Variants in DPY19L4 observed in about 807,000 individuals in gnomAD.
DPY19L4 encodes probable C-mannosyltransferase DPY19L4.
In DPY19L4, 97 loss-of-function variants were observed where a neutral mutation model predicts 102.8. The observed-to-expected ratio is 0.94, with a 90% confidence interval of 0.80 to 1.12. The LOEUF (loss-of-function observed/expected upper bound fraction) is 1.12, where lower values mean the gene tolerates loss of function less well. Among genes scored for constraint, DPY19L4 ranks in the 50% most tolerant of loss-of-function variants. The pLI is 0.00. For missense variants in DPY19L4, 815 were observed against 850.4 expected, an observed-to-expected ratio of 0.96 and a Z score of 0.52; for synonymous variants, 252 against 283.1, an observed-to-expected ratio of 0.89 and a Z score of 1.10.
At chr8:94,775,476 A>G (rs938501971) in intron 13 of DPY19L4, among the ~76,000 whole-genome samples, 1 of 152,120 alleles carries the variant, frequency 6.6e-6, no homozygotes, top group African/African-American at 2.4e-5. Flanking sequence ...CCAGCCTCTT[A>G]ATTTTTAAAA....
At chr8:94,764,689 G>GTGTGTGTGTGTGTGTATATATATATA (rs1415377058) in intron 8 of DPY19L4, among the ~76,000 whole-genome samples, 3 of 43,206 alleles carry the variant, frequency 6.9e-5, no homozygotes, top group African/African-American at 3.4e-4. Flanking sequence ...GTCTGTGTGT[G>GTGTGTGTGTGTGTGTATATATATATA]TATATATATA....
intron 6 of DPY19L4, chr8:94,744,625 G>C (rs910356799): frequency 2.2e-6 from 1 of 452,576 alleles, no homozygotes; most frequent in African/African-American, 2.0e-5. Flanking sequence ...CCCTATATCT[G>C]TCTTCATATT....
At chr8:94,789,263 T>A (rs908569236) in intron 18 of DPY19L4, among the ~76,000 whole-genome samples, 2 of 152,338 alleles carry the variant, frequency 1.3e-5, no homozygotes, top group South Asian at 2.1e-4. Context: ...TTACTTAATT[T>A]TTTTTATAAA....
rs963389971 is a variant in DPY19L4, at chr8:94,756,254, TA to T, written c.735+98del. 12 of 1,489,002 alleles carry T rather than the reference TA, an allele frequency of 8.1e-6. No individual in the cohort carries two copies. In the African/African-American group the frequency reaches 1.7e-4, roughly 21 times the overall value. 92.2% of individuals were successfully genotyped at this position (1,489,002 alleles called of 1,614,324 possible). On this transcript the variant is annotated intron_variant, in intron 7 of 18. Transcript: ENST00000414645. Reference sequence around the variant, plus strand: ...AATAAATTTTAGTCCTAGTAAGAATTAAATCATATTTAATGAAGCCTGGTTA... The same window carrying T: ...AATAAATTTTAGTCCTAGTAAGAATTAATCATATTTAATGAAGCCTGGTTA...
chr8:94,777,796 T>G lies in DPY19L4; in HGVS notation c.1575+10T>G. ...ACACCCAATATTGTTGGTGAGTCAT[T>G]ATTTTGCATTGTTTCTCTTCTAATT... On this transcript the variant is annotated intron_variant, in intron 14 of 18. Transcript: ENST00000414645. 6.3e-7 allele frequency: 1 copy of G among 1,599,850 alleles called. No individual in the cohort carries two copies. Among genetic ancestry groups the G allele is most frequent in the South Asian group, 1.1e-5 (1 of 88,556 alleles).
At position 94,783,821 on chromosome 8, in the gene DPY19L4, T is replaced by C; in HGVS notation, c.1848+19T>C. 1 of 1,613,150 alleles carries C rather than the reference T, an allele frequency of 6.2e-7. No individual in the cohort carries two copies. The highest frequency in any genetic ancestry group is 1.7e-5 in the Admixed American group (1 of 59,978). On this transcript the variant is annotated intron_variant, in intron 17 of 18. Coordinates refer to ENST00000414645, the MANE Select transcript of DPY19L4 (RefSeq NM_181787.3). ...TGAAAATGTAAGACATTTTAAATTC[T>C]ACATTTGGATCTCTTTTCCAGCACT...
chr8:94,770,847 G>A (rs10113782), intron 13 of DPY19L4, among the ~76,000 whole-genome samples: 15 of 151,374 alleles, frequency 9.9e-5, no homozygotes, highest in Admixed American at 6.6e-5. Context: ...CCGAGATTGC[G>A]CCACTGCACT....
Position 94,789,953 on chromosome 8 carries a change from T to C in DPY19L4, c.*43T>C. 6.4e-7 allele frequency: 1 copy of C among 1,565,088 alleles called. No homozygotes were observed. Among genetic ancestry groups the C allele is most frequent in the African/African-American group, 1.4e-5 (1 of 71,720 alleles). On this transcript the variant is annotated 3_prime_UTR_variant, in exon 19 of 19. Coordinates refer to ENST00000414645, the MANE Select transcript of DPY19L4 (RefSeq NM_181787.3). ...ATTTCAAAGACTACCTGAAGTAAAA[T>C]GCAGTTTTCTTCTACCTACTCGGTG... is the stretch of plus-strand genomic sequence containing the variant.
At chr8:94,784,240 T>G (rs1482471249) in intron 17 of DPY19L4, among the ~76,000 whole-genome samples, 1 of 144,730 alleles carries the variant, frequency 6.9e-6, no homozygotes, top group Non-Finnish European at 1.5e-5. Context: ...GGCTAACATT[T>G]TTTTAATTCA....
chr8:94,777,681 G>T lies in DPY19L4; in HGVS notation c.1470G>T (p.Trp490Cys). The change falls in exon 14 of 19, where the codon TGG (tryptophan) becomes TGT (cysteine). Residue 490 changes from tryptophan (W) to cysteine (C), a missense_variant. Physicochemically the swap from Trp to Cys is radical, Grantham distance 215. Transcript: ENST00000414645. ...AMVIEGLKYI[W>C]IPYVCMLAAF... ...TGTTTTCTAGCTTGAAGTACATCTGGATTCCTTATGTGTGCATGTTAGCAG... is the reference window on the plus strand; with the variant it reads ...TGTTTTCTAGCTTGAAGTACATCTGTATTCCTTATGTGTGCATGTTAGCAG... The T allele has an allele frequency of 5.6e-6, 9 of 1,613,072 alleles. No individual in the cohort carries two copies. The highest frequency in any genetic ancestry group is 7.6e-6 in the Non-Finnish European group (9 of 1,179,680).
At chr8:94,742,005 G>A (rs867968156) in intron 6 of DPY19L4, among the ~76,000 whole-genome samples, 2 of 152,140 alleles carry the variant, frequency 1.3e-5, no homozygotes, top group Non-Finnish European at 2.9e-5. Flanking sequence ...AATTCTATTA[G>A]GATTTATTTT....
intron 6 of DPY19L4, among the ~76,000 whole-genome samples, chr8:94,742,337 G>A (rs1292716199): frequency 2.0e-5 from 3 of 151,826 alleles, no homozygotes; most frequent in Non-Finnish European, 2.9e-5. Context: ...CAGCCTGGGC[G>A]ACAGAGCGAG....
chr8:94,756,661 T>A (rs1195386399), intron 7 of DPY19L4, among the ~76,000 whole-genome samples: 1 of 152,160 alleles, frequency 6.6e-6, no homozygotes, highest in Non-Finnish European at 1.5e-5. Context: ...GATTCTTACA[T>A]TGTTATTGTT....
chr8:94,729,804 C>G (rs1173985907), intron 2 of DPY19L4, among the ~76,000 whole-genome samples: 1 of 151,814 alleles, frequency 6.6e-6, no homozygotes, highest in African/African-American at 2.4e-5. Flanking sequence ...GCACTCCAGC[C>G]TGGACGATGC....
chr8:94,768,334 T>A (rs183024055), intron 11 of DPY19L4, 61 bp from the exon 12 acceptor site: 2 of 1,356,552 alleles, frequency 1.5e-6, no homozygotes, highest in Admixed American at 4.8e-5. Flanking sequence ...TTAAAAAAAA[T>A]ACTTCTGTGT....
chr8:94,734,521 C>A, intron 2 of DPY19L4, 109 bp from the exon 3 acceptor site: 2 of 1,111,332 alleles, frequency 1.8e-6, no homozygotes, highest in Non-Finnish European at 2.5e-6. Flanking sequence ...CAATTAGACT[C>A]GAGTTGTGGG....
At chr8:94,746,461 G>A (rs1660501691) in intron 6 of DPY19L4, among the ~76,000 whole-genome samples, 1 of 152,210 alleles carries the variant, frequency 6.6e-6, no homozygotes, top group African/African-American at 2.4e-5. Flanking sequence ...TAGGTAAGTT[G>A]TAATACATTA....
chr8:94,721,010 G>A (rs901774063), intron 1 of DPY19L4, among the ~76,000 whole-genome samples: 12 of 151,932 alleles, frequency 7.9e-5, no homozygotes, highest in Admixed American at 4.6e-4. Context: ...GCAAAGGCGC[G>A]ATCTCGGTTC....
chr8:94,720,236 G>A, intron 1 of DPY19L4: 2 of 985,420 alleles, frequency 2.0e-6, no homozygotes, highest in Non-Finnish European at 2.4e-6. Context: ...GGGAAGCAAA[G>A]GTGGAGCTGA....
Sources: allele counts gnomAD v4.1 joint callset (sites outside exome capture counted in the v4.1 genomes callset), GRCh38; gene constraint gnomAD v4.1.1; transcripts MANE v1.5; gene names NCBI Gene and HGNC (gene_info 2026-07-23, HGNC 2026-07-21).